The following CCDC178 variants were observed in gnomAD, a reference collection of about 807,000 sequenced individuals.
CCDC178 encodes coiled-coil domain-containing protein 178.
A neutral mutation model predicts 117.4 loss-of-function variants in CCDC178; 126 were observed. That is an observed-to-expected ratio of 1.07 (90% CI 0.93 to 1.24). CCDC178 has a LOEUF of 1.24. Among genes scored for constraint, CCDC178 ranks in the 50% most tolerant of loss-of-function variants. CCDC178 has a pLI of 0.00. For synonymous variants in CCDC178, 283 were observed against 313.4 expected, an observed-to-expected ratio of 0.90 and a Z score of 1.02; for missense variants, 1,030 against 986.9, an observed-to-expected ratio of 1.04 and a Z score of -0.59.
At chr18:33,143,002 C>T (rs1323293488) in intron 20 of CCDC178, among the ~76,000 whole-genome samples, 2 of 151,978 alleles carry the variant, frequency 1.3e-5, no homozygotes, top group East Asian at 3.9e-4. Flanking sequence ...AAGTTATTCT[C>T]CTTATTAAAA....
rs141918135 is a variant in CCDC178, at chr18:33,155,304, C to T, written c.2238+56592G>A. ...ACTGAATGGGAAATTTGAACATTTA[C>T]GGTAGAATGAAAATAAAAAGATAAA... On this transcript the variant is annotated intron_variant, in intron 20 of 22. Coordinates refer to ENST00000383096, the MANE Select transcript of CCDC178 (RefSeq NM_001105528.4). Among the ~76,000 whole-genome samples the T allele has an allele frequency of 1.8e-3, 275 of 151,900 alleles. 5 individuals are homozygous for T. The East Asian group carries it at 0.034, about 19-fold the overall frequency.
intron 22 of CCDC178, among the ~76,000 whole-genome samples, chr18:32,939,287 A>G (rs1290243644): frequency 2.6e-5 from 4 of 152,138 alleles, no homozygotes; most frequent in African/African-American, 9.6e-5. Flanking sequence ...AAAGATACTT[A>G]AATATCATTT....
chr18:32,979,179 C>T (rs1364285863), intron 21 of CCDC178, among the ~76,000 whole-genome samples: 2 of 151,002 alleles, frequency 1.3e-5, no homozygotes, highest in East Asian at 3.9e-4. Flanking sequence ...TTTTTTGAGA[C>T]AGAGTCTTAC....
intron 22 of CCDC178, among the ~76,000 whole-genome samples, chr18:32,949,542 T>G (rs977522151): frequency 2.6e-5 from 4 of 152,194 alleles, no homozygotes; most frequent in African/African-American, 9.6e-5. Flanking sequence ...CTATGTATTT[T>G]TCATCTCAGG....
At chr18:33,189,089 A>G (rs2058828646) in intron 20 of CCDC178, among the ~76,000 whole-genome samples, 1 of 152,154 alleles carries the variant, frequency 6.6e-6, no homozygotes, top group South Asian at 2.1e-4. Context: ...AATGCAAGTA[A>G]GGGAGACTAG....
intron 21 of CCDC178, among the ~76,000 whole-genome samples, chr18:33,020,002 G>C (rs2056078715): frequency 6.7e-6 from 1 of 150,350 alleles, no homozygotes; most frequent in Non-Finnish European, 1.5e-5. Context: ...CTTGAGTGCA[G>C]TGGTGCGATC....
intron 21 of CCDC178, among the ~76,000 whole-genome samples, chr18:33,091,204 A>ACAAATTC (rs1489442792): frequency 6.6e-6 from 1 of 152,110 alleles, no homozygotes; most frequent in Non-Finnish European, 1.5e-5. Context: ...AAGTGATTGG[A>ACAAATTC]CAAATTCTTC....
rs541132374 is a variant in CCDC178, at chr18:32,989,347, A to G, written c.2389-14666T>C. On this transcript the variant is annotated intron_variant, in intron 21 of 22. Transcript: ENST00000383096. ...TTTTACCCACCACATTAATCCCCGA[A>G]AAGGAGAGAAACCATATGATCATCT... Among the ~76,000 whole-genome samples, 3 of 152,308 alleles carry G rather than the reference A, an allele frequency of 2.0e-5. No homozygotes were observed. The East Asian group carries it at 5.8e-4, about 29-fold the overall frequency.
intron 5 of CCDC178, among the ~76,000 whole-genome samples, chr18:33,386,716 T>A (rs1268293265): frequency 6.6e-6 from 1 of 152,062 alleles, no homozygotes; most frequent in Non-Finnish European, 1.5e-5. Context: ...GGAACATACC[T>A]CAAAATAATA....
At chr18:33,130,694 A>G (rs1464918100) in intron 20 of CCDC178, among the ~76,000 whole-genome samples, 2 of 151,990 alleles carry the variant, frequency 1.3e-5, no homozygotes, top group Non-Finnish European at 2.9e-5. Context: ...GCTGAGATTA[A>G]TGCAAACATT....
At chr18:33,390,508 G>A (rs146557054) in intron 4 of CCDC178, among the ~76,000 whole-genome samples, 2 of 152,030 alleles carry the variant, frequency 1.3e-5, no homozygotes, top group Non-Finnish European at 2.9e-5. Flanking sequence ...CCAGTGAAAC[G>A]AATGAGCTGC....
chr18:32,949,142 A>T, intron 22 of CCDC178, among the ~76,000 whole-genome samples: 1 of 152,060 alleles, frequency 6.6e-6, no homozygotes, highest in Non-Finnish European at 1.5e-5. Flanking sequence ...GGCACATTAC[A>T]TGTCTATTTT....
intron 5 of CCDC178, among the ~76,000 whole-genome samples, chr18:33,379,152 T>A (rs1039953958): frequency 4.4e-5 from 6 of 137,026 alleles, no homozygotes; most frequent in African/African-American, 1.7e-4. Context: ...ATATATATAA[T>A]ATATATATTT....
intron 21 of CCDC178, among the ~76,000 whole-genome samples, chr18:33,078,590 A>T (rs1209532069): frequency 6.6e-6 from 1 of 152,240 alleles, no homozygotes; most frequent in African/African-American, 2.4e-5. Flanking sequence ...ACATTTCAGG[A>T]TTAAAAATAA....
At chr18:33,423,166 TA>T (rs890175177) in intron 2 of CCDC178, among the ~76,000 whole-genome samples, 1 of 152,036 alleles carries the variant, frequency 6.6e-6, no homozygotes, top group African/African-American at 2.4e-5. Context: ...TAACCCGGCC[TA>T]AAAAAATAGT....
intron 7 of CCDC178, among the ~76,000 whole-genome samples, chr18:33,351,393 A>G (rs2062978339): frequency 6.6e-6 from 1 of 152,096 alleles, no homozygotes; most frequent in African/African-American, 2.4e-5. Context: ...GGGTTTCACC[A>G]TATTGGCAAG....
At chr18:33,129,473 A>C (rs2058046387) in intron 20 of CCDC178, among the ~76,000 whole-genome samples, 1 of 152,062 alleles carries the variant, frequency 6.6e-6, no homozygotes, top group Non-Finnish European at 1.5e-5. Context: ...ATGCCCTTGA[A>C]AAAAAGTGGA....
At chr18:33,101,797 T>G (rs1455280210) in intron 20 of CCDC178, among the ~76,000 whole-genome samples, 1 of 151,994 alleles carries the variant, frequency 6.6e-6, no homozygotes, top group Non-Finnish European at 1.5e-5. Flanking sequence ...GAACACATAT[T>G]ATGGCATAAA....
intron 6 of CCDC178, among the ~76,000 whole-genome samples, chr18:33,362,103 G>T (rs898396567): frequency 1.7e-4 from 25 of 151,456 alleles, no homozygotes; most frequent in African/African-American, 6.1e-4. Flanking sequence ...GTGTGTTTGT[G>T]TCTCTGTGTA....
Sources: gnomAD v4.1 joint callset for allele counts (sites outside exome capture counted in the v4.1 genomes callset) on GRCh38, gnomAD v4.1.1 for gene constraint, MANE v1.5 for transcripts, NCBI Gene and HGNC (gene_info 2026-07-23, HGNC 2026-07-21) for gene names.